The following ZFPM2 variants were observed in gnomAD, a reference collection of about 807,000 sequenced individuals.
The protein encoded by ZFPM2 is zinc finger protein ZFPM2.
Under a neutral mutation model 98.6 loss-of-function variants are expected in ZFPM2, and 20 were observed. The observed-to-expected ratio is 0.20, with a 90% CI of 0.14 to 0.29. ZFPM2 has a LOEUF of 0.29. ZFPM2 is among the 10% of genes least tolerant of loss of function. The probability of loss-of-function intolerance (pLI) is 1.00; values close to 1 mark genes in which losing one functional copy is unlikely to be tolerated. For missense variants in ZFPM2, 1,310 were observed against 1,388.6 expected (o/e 0.94, Z 0.90); for synonymous variants, 518 against 502.7 (o/e 1.03, Z -0.41).
intron 5 of ZFPM2, among the ~76,000 whole-genome samples, chr8:105,764,801 G>C (rs1468735032): frequency 4.6e-5 from 7 of 151,642 alleles, no homozygotes; most frequent in African/African-American, 1.7e-4. Flanking sequence ...AGGTGTTTTA[G>C]AATCTGTCAT....
intron 2 of ZFPM2, among the ~76,000 whole-genome samples, chr8:105,436,652 G>C (rs1162338802): frequency 1.3e-5 from 2 of 152,136 alleles, no homozygotes; most frequent in Non-Finnish European, 2.9e-5. Flanking sequence ...GTCCTAGTAA[G>C]TTAGAGGCAT....
At chr8:105,463,313 A>T (rs1171947232) in intron 3 of ZFPM2, among the ~76,000 whole-genome samples, 3 of 151,870 alleles carry the variant, frequency 2.0e-5, no homozygotes, top group African/African-American at 7.2e-5. Context: ...ATACACATAT[A>T]TACATATATA....
intron 5 of ZFPM2, among the ~76,000 whole-genome samples, chr8:105,776,577 A>G (rs570465532): frequency 1.3e-5 from 2 of 152,324 alleles, no homozygotes; most frequent in Non-Finnish European, 2.9e-5. Flanking sequence ...AGTTCTCTTC[A>G]TTATTCATAG....
chr8:105,572,768 C>T (rs531149604), intron 4 of ZFPM2, among the ~76,000 whole-genome samples: 1 of 152,312 alleles, frequency 6.6e-6, no homozygotes, highest in South Asian at 2.1e-4. Flanking sequence ...CCGTGCCCAG[C>T]CTAAAGTTGT....
At chr8:105,567,773 T>C (rs1317995817) in intron 4 of ZFPM2, among the ~76,000 whole-genome samples, 2 of 152,164 alleles carry the variant, frequency 1.3e-5, no homozygotes, top group African/African-American at 2.4e-5. Flanking sequence ...ATTCAATAAC[T>C]GCTCTTTAAA....
intron 3 of ZFPM2, among the ~76,000 whole-genome samples, chr8:105,532,660 G>C (rs1814321597): frequency 6.6e-6 from 1 of 152,164 alleles, no homozygotes; most frequent in Non-Finnish European, 1.5e-5. Context: ...GAATAAAAAA[G>C]ATGCAACAAC....
intron 5 of ZFPM2, among the ~76,000 whole-genome samples, chr8:105,701,234 T>G (rs1004866337): frequency 6.6e-6 from 1 of 152,216 alleles, no homozygotes; most frequent in Non-Finnish European, 1.5e-5. Context: ...TCTGTTAGGA[T>G]TTTCTACTTG....
intron 5 of ZFPM2, among the ~76,000 whole-genome samples, chr8:105,698,711 A>G (rs1294316221): frequency 2.6e-5 from 4 of 152,216 alleles, no homozygotes; most frequent in African/African-American, 9.6e-5. Context: ...ATATAAAAAT[A>G]TACATTAGAC....
At position 105,629,314 on chromosome 8, in the gene ZFPM2, C is replaced by G. The variant is rs1454154450; in HGVS notation, c.421-4932C>G. ...CCTGTGAAGGGGTCAGGGAAATATC[C>G]TGCTTCATAATGACTTATAAATAAA... On this transcript the variant is annotated intron_variant, in intron 4 of 7. Coordinates refer to ENST00000407775, the MANE Select transcript of ZFPM2 (RefSeq NM_012082.4). 3.3e-5 allele frequency among the ~76,000 whole-genome samples: 5 copies of G among 152,186 alleles called. No homozygotes were observed. The South Asian group carries it at 1.0e-3, about 32-fold the overall frequency.
chr8:105,347,261 T>G (rs1272292471), intron 1 of ZFPM2, among the ~76,000 whole-genome samples: 1 of 152,120 alleles, frequency 6.6e-6, no homozygotes, highest in African/African-American at 2.4e-5. Flanking sequence ...ATTTACTGAT[T>G]GCAAATTAAA....
At chr8:105,639,000 G>A (rs1057365904) in intron 5 of ZFPM2, among the ~76,000 whole-genome samples, 8 of 152,058 alleles carry the variant, frequency 5.3e-5, no homozygotes, top group Non-Finnish European at 8.8e-5. Flanking sequence ...CTGTTGGGTC[G>A]TCTGTTTTTT....
chr8:105,722,655 G>A (rs1236338570), intron 5 of ZFPM2, among the ~76,000 whole-genome samples: 1 of 151,776 alleles, frequency 6.6e-6, no homozygotes, highest in Non-Finnish European at 1.5e-5. Context: ...AGTGGAAGTG[G>A]GTCATCATAA....
At chr8:105,661,697 A>G (rs942733050) in intron 5 of ZFPM2, among the ~76,000 whole-genome samples, 1 of 150,108 alleles carries the variant, frequency 6.7e-6, no homozygotes, top group Non-Finnish European at 1.5e-5. Context: ...TTTTTTTTCC[A>G]TGGCTGGACT....
At position 105,803,505 on chromosome 8, in the gene ZFPM2, T is replaced by C; in HGVS notation, c.3423T>C (p.Tyr1141=). 1.2e-6 allele frequency: 2 copies of C among 1,611,594 alleles called. No homozygotes were observed. The highest frequency in any genetic ancestry group is 1.7e-6 in the Non-Finnish European group (2 of 1,178,748). ...LSNFITHKKF[Y]CSSHAAEHVK ...ACTTTATAACTCACAAGAAGTTTTA[T>C]TGCTCATCACATGCAGCAGAACATG... Residue 1141 remains tyrosine, a synonymous_variant, in exon 8 of 8, where the codon TAT becomes TAC. Transcript: ENST00000407775.
intron 3 of ZFPM2, among the ~76,000 whole-genome samples, chr8:105,475,303 A>G (rs1263970761): frequency 6.6e-6 from 1 of 152,204 alleles, no homozygotes; most frequent in African/African-American, 2.4e-5. Context: ...TCTGCTTCTC[A>G]TTGTTATGAC....
chr8:105,416,976 A>G (rs1478455162), intron 1 of ZFPM2, among the ~76,000 whole-genome samples: 3 of 149,950 alleles, frequency 2.0e-5, no homozygotes, highest in Non-Finnish European at 3.0e-5. Context: ...AGTGGTTTGC[A>G]TAGTAGTATA....
At chr8:105,382,349 G>A (rs1370646608) in intron 1 of ZFPM2, among the ~76,000 whole-genome samples, 1 of 151,644 alleles carries the variant, frequency 6.6e-6, no homozygotes, top group Non-Finnish European at 1.5e-5. Context: ...GTTAAAAATT[G>A]CAAAACATAG....
chr8:105,550,919 G>C (rs1814837246), intron 3 of ZFPM2, among the ~76,000 whole-genome samples: 1 of 152,148 alleles, frequency 6.6e-6, no homozygotes, highest in Admixed American at 6.5e-5. Context: ...CATCAGTTAT[G>C]TGTAACTTAA....
At chr8:105,340,644 A>G (rs1253930807) in intron 1 of ZFPM2, among the ~76,000 whole-genome samples, 5 of 151,860 alleles carry the variant, frequency 3.3e-5, no homozygotes, top group Non-Finnish European at 5.9e-5. Context: ...TAATAAATTT[A>G]TTTTGTATAG....
Sources: allele counts gnomAD v4.1 joint callset (sites outside exome capture counted in the v4.1 genomes callset), GRCh38; gene constraint gnomAD v4.1.1; transcripts MANE v1.5; gene names NCBI Gene and HGNC (gene_info 2026-07-23, HGNC 2026-07-21).